The following ZNF611 variants were observed in gnomAD, a reference collection of about 807,000 sequenced individuals.
ZNF611 encodes the protein zinc finger protein 611.
Under a neutral mutation model 8.9 loss-of-function variants are expected in ZNF611, and 6 were observed. The ratio of observed to expected loss-of-function variants is 0.68; its 90% CI spans 0.37 to 1.34. The LOEUF is 1.34. ZNF611 is among the 40% of genes most tolerant of loss of function. The pLI, the probability that ZNF611 is intolerant of heterozygous loss-of-function variation, is 0.02. For missense variants in ZNF611, 874 were observed against 841.3 expected (o/e 1.04, Z -0.48); for synonymous variants, 262 against 279.7 (o/e 0.94, Z 0.63).
chr19:52,714,702 AAC>A (rs2062304081), intron 4 of ZNF611, among the ~76,000 whole-genome samples: 2 of 72,512 alleles, frequency 2.8e-5, no homozygotes, highest in East Asian at 4.9e-4. Flanking sequence ...AACAAAACAA[AAC>A]AAAACAAAAA....
At chr19:52,711,793 G>A (rs994774641) in intron 5 of ZNF611, among the ~76,000 whole-genome samples, 2 of 152,074 alleles carry the variant, frequency 1.3e-5, no homozygotes, top group Admixed American at 1.3e-4. Context: ...GGGGCTCACG[G>A]GGAAATTGGG....
Position 52,715,820 on chromosome 19 carries a change from A to C in ZNF611, c.63+12T>G. On this transcript the variant is annotated intron_variant, in intron 4 of 5. Coordinates refer to ENST00000652185, the MANE Select transcript of ZNF611 (RefSeq NM_001161499.2). ...AAGACACAGATTAATCCACAGAGGAATATCACTTCACCTGAGGAAGAGCCA... is the reference window on the plus strand; with the variant it reads ...AAGACACAGATTAATCCACAGAGGACTATCACTTCACCTGAGGAAGAGCCA... 2 of 1,610,788 alleles carry C rather than the reference A, an allele frequency of 1.2e-6. No individual in the cohort carries two copies. Among genetic ancestry groups the C allele is most frequent in the Non-Finnish European group, 1.7e-6 (2 of 1,179,744 alleles).
chr19:52,731,929 C>T (rs2062428210), intron 1 of ZNF611, among the ~76,000 whole-genome samples: 1 of 151,370 alleles, frequency 6.6e-6, no homozygotes, highest in South Asian at 2.1e-4. Context: ...TGAGATCATG[C>T]CATCGCACTC....
At chr19:52,731,453 G>C (rs764497684) in intron 1 of ZNF611, among the ~76,000 whole-genome samples, 34 of 151,906 alleles carry the variant, frequency 2.2e-4, no homozygotes, top group Non-Finnish European at 4.0e-4. Flanking sequence ...TCACTGCAAC[G>C]TCTGCCTCCC....
At chr19:52,722,437 G>A (rs1013564128) in intron 3 of ZNF611, among the ~76,000 whole-genome samples, 7 of 151,952 alleles carry the variant, frequency 4.6e-5, no homozygotes, top group African/African-American at 1.2e-4. Context: ...ACAGAAAGTT[G>A]TTTTTTTCTT....
chr19:52,707,227 A>G (rs567590585), intron 5 of ZNF611, among the ~76,000 whole-genome samples: 1 of 151,268 alleles, frequency 6.6e-6, no homozygotes, highest in African/African-American at 2.4e-5. Context: ...TATTTAAAGC[A>G]TATTTACTCT....
chr19:52,706,018 T>C lies in ZNF611; in HGVS notation c.1037A>G (p.Asn346Ser), dbSNP rs1236532630. The C allele has an allele frequency of 1.9e-6, 3 of 1,614,084 alleles. No individual in the cohort carries two copies. The highest frequency in any genetic ancestry group is 3.3e-5 in the Admixed American group (2 of 60,000). Residue 346 changes from asparagine (N) to serine (S), a missense_variant, in exon 6 of 6, where the codon AAT becomes AGT. Coordinates refer to ENST00000652185, the MANE Select transcript of ZNF611 (RefSeq NM_001161499.2). ...IDTGENPYKC[N>S]ECDKAFNQQS... is the part of the protein sequence containing the mutation. Reference sequence around the variant, plus strand: ...TTGATTAAAAGCCTTGTCACATTCATTACACTTGTAAGGATTTTCTCCAGT... The same window carrying C: ...TTGATTAAAAGCCTTGTCACATTCACTACACTTGTAAGGATTTTCTCCAGT...
intron 5 of ZNF611, chr19:52,708,814 G>GT (rs1447576919): frequency 1.3e-5 from 2 of 152,126 alleles, no homozygotes; most frequent in African/African-American, 2.4e-5. Flanking sequence ...TCCAGCCTGG[G>GT]TGACAGGGCA....
At position 52,712,933 on chromosome 19, in the gene ZNF611, C is replaced by A. The variant is rs567828968; in HGVS notation, c.190+1082G>T. 4.6e-5 allele frequency among the ~76,000 whole-genome samples: 7 copies of A among 152,314 alleles called. No individual in the cohort carries two copies. The South Asian group carries it at 1.5e-3, about 32-fold the overall frequency. The stretch of plus-strand genomic sequence containing the variant: ...AAGGGGCCAGGGGCTGTGGCTCATG[C>A]CTGTAATCCCAGCACTTTGGGAATC... On this transcript the variant is annotated intron_variant, in intron 5 of 5. Transcript: ENST00000652185.
At chr19:52,711,623 C>T (rs538375399) in intron 5 of ZNF611, among the ~76,000 whole-genome samples, 8 of 151,948 alleles carry the variant, frequency 5.3e-5, no homozygotes, top group African/African-American at 1.9e-4. Context: ...GGGACACAAG[C>T]GCTGAGCTGC....
chr19:52,715,560 G>A (rs1236886148), intron 4 of ZNF611, among the ~76,000 whole-genome samples: 1 of 152,190 alleles, frequency 6.6e-6, no homozygotes, highest in East Asian at 1.9e-4. Flanking sequence ...CAGCAGCACT[G>A]ACATCAACGG....
At chr19:52,707,834 T>C (rs10424921) in intron 5 of ZNF611, among the ~76,000 whole-genome samples, 65,668 of 151,256 alleles carry the variant, frequency 0.43, 14,662 homozygotes, top group African/African-American at 0.54. Flanking sequence ...GGGGACCATA[T>C]TGGCCAGGCT....
intron 5 of ZNF611, 98 bp from the exon 6 acceptor site, chr19:52,706,962 A>T (rs2062250265): frequency 1.8e-5 from 27 of 1,505,940 alleles, no homozygotes; most frequent in Non-Finnish European, 2.4e-5. Context: ...CTTATTTTGA[A>T]CTTCCCAAAC....
chr19:52,706,194 G>T lies in ZNF611; in HGVS notation c.861C>A (p.Tyr287Ter), dbSNP rs1370475366. Residue 287 changes from tyrosine to a stop codon, truncating the protein, a stop_gained, in exon 6 of 6, where the codon TAC (tyrosine) becomes TAA (stop). Transcript: ENST00000652185. LOFTEE classifies it low-confidence loss of function (END_TRUNC). ...AGGTCTTGCCACACTCTTTACACTT[G>T]TAAGGTTTCTCAACAGTGTGACATC... ...HDRCHTVEKP[Y>*]KCKECGKTFS... 5 of 1,614,192 alleles carry T rather than the reference G, an allele frequency of 3.1e-6. No individual in the cohort carries two copies. The East Asian group carries it at 8.9e-5, about 29-fold the overall frequency.
intron 1 of ZNF611, among the ~76,000 whole-genome samples, chr19:52,732,042 G>T (rs985378391): frequency 6.6e-6 from 1 of 151,774 alleles, no homozygotes; most frequent in African/African-American, 2.4e-5. Flanking sequence ...AGGCTGAGGC[G>T]GGCGGATCAC....
intron 3 of ZNF611, chr19:52,723,478 A>T (rs914449361): frequency 6.6e-6 from 1 of 150,918 alleles, no homozygotes; most frequent in Non-Finnish European, 1.5e-5. Context: ...CTGCTCTCAA[A>T]CTCTGGACCT....
chr19:52,703,323 C>G lies in ZNF611; in HGVS notation c.*1614G>C, dbSNP rs1260311935. 6 of 151,992 alleles carry G rather than the reference C, an allele frequency of 3.9e-5. No individual in the cohort carries two copies. 9.4% of individuals were successfully genotyped at this position (151,992 alleles called of 1,614,324 possible). ...TTGAGATGGAGACTCACTCTGCCAC[C>G]CAGGCTGCAGTATAGTGGCACAATT... is the stretch of plus-strand genomic sequence containing the variant. On this transcript the variant is annotated 3_prime_UTR_variant, in exon 6 of 6. Transcript: ENST00000652185.
chr19:52,723,104 C>T (rs1407584543), intron 3 of ZNF611, among the ~76,000 whole-genome samples: 1 of 150,840 alleles, frequency 6.6e-6, no homozygotes, highest in African/African-American at 2.4e-5. Flanking sequence ...CTCATTCTCC[C>T]CTTCTCTTTC....
At chr19:52,719,913 C>A (rs924863525) in intron 3 of ZNF611, among the ~76,000 whole-genome samples, 3 of 152,194 alleles carry the variant, frequency 2.0e-5, no homozygotes, top group Non-Finnish European at 2.9e-5. Context: ...GAGGTCCCTG[C>A]GGCCTTCCGC....
Sources: gnomAD v4.1 joint callset for allele counts (sites outside exome capture counted in the v4.1 genomes callset) on GRCh38, gnomAD v4.1.1 for gene constraint, MANE v1.5 for transcripts, NCBI Gene and HGNC (gene_info 2026-07-23, HGNC 2026-07-21) for gene names.